GLE1: variants seen among roughly 807,000 people sequenced by gnomAD.
GLE1 encodes the protein mRNA export factor GLE1.
GLE1 carries 78 observed loss-of-function variants against 97.3 expected under a neutral mutation model. The ratio of observed to expected loss-of-function variants is 0.80; its 90% CI spans 0.67 to 0.97. The LOEUF (loss-of-function observed/expected upper bound fraction) is 0.97, where lower values mean the gene tolerates loss of function less well. Among genes scored for constraint, GLE1 ranks in the 50% least tolerant of loss-of-function variants. GLE1 has a pLI of 0.00. For missense variants in GLE1, 753 were observed against 857.5 expected (o/e 0.88, Z 1.52); for synonymous variants, 302 against 313.4 (o/e 0.96, Z 0.39).
Position 128,539,618 on chromosome 9 carries a change from G to A in GLE1, c.1884G>A (p.Val628=), listed in dbSNP as rs779646979. The A allele has an allele frequency of 2.5e-6, 4 of 1,610,814 alleles. No individual in the cohort carries two copies. The highest frequency in any genetic ancestry group is 1.3e-5 in the African/African-American group (1 of 74,844). ...TATLLFDFLE[V]CGNALMKQYQ... ...ACAGTGCCTGTCTTTCCCTCTAGGT[G>A]TGTGGGAATGCCCTCATGAAGCAAT... The change falls in exon 14 of 16, where the codon GTG becomes GTA. Residue 628 remains valine (V), a splice_region_variant and synonymous_variant. Coordinates refer to ENST00000309971, the MANE Select transcript of GLE1 (RefSeq NM_001003722.2).
intron 3 of GLE1, among the ~76,000 whole-genome samples, chr9:128,522,110 T>C (rs1847168629): frequency 6.6e-6 from 1 of 152,202 alleles, no homozygotes; most frequent in Non-Finnish European, 1.5e-5. Flanking sequence ...TAATAGTGCA[T>C]GGCTGTTTGA....
chr9:128,540,434 C>T, intron 15 of GLE1, 96 bp downstream of exon 15: 1 of 804,232 alleles, frequency 1.2e-6, no homozygotes, highest in Non-Finnish European at 2.2e-6. Context: ...TCTGATTGCA[C>T]TCTCTTCCTT....
intron 3 of GLE1, among the ~76,000 whole-genome samples, chr9:128,521,075 C>T (rs116032916): frequency 8.6e-4 from 131 of 152,232 alleles, no homozygotes; most frequent in African/African-American, 2.8e-3. Flanking sequence ...TCTCCACTGA[C>T]TGTTTTCCAG....
chr9:128,512,163 G>A (rs780664747), intron 2 of GLE1, among the ~76,000 whole-genome samples: 1 of 152,182 alleles, frequency 6.6e-6, no homozygotes, highest in Non-Finnish European at 1.5e-5. Flanking sequence ...TGTAGAGAAG[G>A]AGAATAGCTT....
chr9:128,521,249 A>T (rs552645444), intron 3 of GLE1, among the ~76,000 whole-genome samples: 1 of 152,294 alleles, frequency 6.6e-6, no homozygotes, highest in East Asian at 1.9e-4. Context: ...AATAAGTTTT[A>T]AGACTGGGTA....
chr9:128,539,876 A>T, intron 14 of GLE1, 178 bp downstream of exon 14: 2 of 1,502,504 alleles, frequency 1.3e-6, no homozygotes, highest in Non-Finnish European at 1.8e-6. Context: ...TTTGAACCTT[A>T]ATGAGAGTCT....
chr9:128,518,937 G>T (rs1847062231), intron 3 of GLE1, among the ~76,000 whole-genome samples: 1 of 151,730 alleles, frequency 6.6e-6, no homozygotes, highest in Admixed American at 6.6e-5. Context: ...TGAAGCCATG[G>T]CAGAAGAACA....
rs527886091 is a variant in GLE1, at chr9:128,504,755, G to A, written c.-51G>A. ...TGGCCTTCCCGGCGGCTGATTCGAG[G>A]GCTTGTTTGGTCAGAAGGGGGGCGT... On this transcript the variant is annotated 5_prime_UTR_variant, in exon 1 of 16. Transcript: ENST00000309971. 3.5e-5 allele frequency: 44 copies of A among 1,252,134 alleles called. No individual in the cohort carries two copies. In the East Asian group the frequency reaches 9.7e-4, roughly 28 times the overall value. The allele number at this position is 1,252,134 out of a possible 1,614,324, so 77.6% of individuals were successfully genotyped here. A position where few individuals can be genotyped will look rare whatever the true frequency, so the allele number is the denominator to read the frequency against.
chr9:128,535,881 C>T (rs1027188010), intron 11 of GLE1, among the ~76,000 whole-genome samples: 16 of 151,946 alleles, frequency 1.1e-4, no homozygotes, highest in African/African-American at 1.4e-4. Flanking sequence ...GAGGCTGAGG[C>T]GGGAGGATCA....
intron 11 of GLE1, among the ~76,000 whole-genome samples, chr9:128,534,738 A>T (rs1201755631): frequency 4.7e-5 from 7 of 150,526 alleles, no homozygotes; most frequent in Admixed American, 2.0e-4. Context: ...TTTTTTTTTG[A>T]GACAGCGTCT....
chr9:128,507,649 A>T (rs1231375288), intron 1 of GLE1, among the ~76,000 whole-genome samples: 2 of 150,116 alleles, frequency 1.3e-5, no homozygotes, highest in African/African-American at 2.5e-5. Context: ...ACACTTTGGG[A>T]GGCTGAGGTG....
Position 128,540,284 on chromosome 9 carries a change from T to C in GLE1, c.1974T>C (p.Ala658=). The change falls in exon 15 of 16, where the codon GCT becomes GCC. Residue 658 remains alanine (A), a synonymous_variant. Coordinates refer to ENST00000309971, the MANE Select transcript of GLE1 (RefSeq NM_001003722.2). ...IKEDYFPRIE[A]ITSSGQMGSF... Reference sequence around the variant, plus strand: ...CTTTCTCTCCCTGTAGAATTGAAGCTATCACAAGCTCAGGACAGATGGGCT... The same window carrying C: ...CTTTCTCTCCCTGTAGAATTGAAGCCATCACAAGCTCAGGACAGATGGGCT... 6.2e-7 allele frequency: 1 copy of C among 1,604,760 alleles called. No individual in the cohort carries two copies.
intron 9 of GLE1, 83 bp from the exon 10 acceptor site, chr9:128,533,426 TCAAA>T: frequency 1.4e-6 from 1 of 722,950 alleles, no homozygotes; most frequent in Non-Finnish European, 2.0e-6. Flanking sequence ...TGATACTGTC[TCAAA>T]AAAAAAAAAA....
intron 3 of GLE1, 74 bp from the exon 4 acceptor site, chr9:128,522,594 T>C: frequency 1.4e-6 from 2 of 1,468,768 alleles, no homozygotes; most frequent in Non-Finnish European, 1.8e-6. Flanking sequence ...GAGGTTGCAG[T>C]GAGCTGCACT....
At chr9:128,532,618 T>C (rs188725386) in intron 9 of GLE1, 31 of 544,992 alleles carry the variant, frequency 5.7e-5, no homozygotes, top group Admixed American at 1.3e-4. Context: ...TCTTTTTTCC[T>C]CTCTCATCTC....
At chr9:128,513,652 T>C (rs1589045896) in intron 2 of GLE1, among the ~76,000 whole-genome samples, 2 of 149,356 alleles carry the variant, frequency 1.3e-5, no homozygotes, top group Non-Finnish European at 3.0e-5. Context: ...ATGGCTGCAG[T>C]GAGCCTAGAT....
rs557298311 is a variant in GLE1, at chr9:128,541,594, C to T, written c.*424C>T. The T allele has an allele frequency of 5.2e-6, 1 of 193,388 alleles. No homozygotes were observed. The highest frequency in any genetic ancestry group is 1.0e-4 in the South Asian group (1 of 9,784). 12.0% of individuals were successfully genotyped at this position (193,388 alleles called of 1,614,324 possible). On this transcript the variant is annotated 3_prime_UTR_variant, in exon 16 of 16. Coordinates refer to ENST00000309971, the MANE Select transcript of GLE1 (RefSeq NM_001003722.2). ...TGAATTTCCAGAAAGAGCTAAGGCT[C>T]ATAAGGTTCCCTTTTAAGTATTATT...
At chr9:128,538,893 G>C (rs1847805178) in intron 13 of GLE1, among the ~76,000 whole-genome samples, 1 of 152,200 alleles carries the variant, frequency 6.6e-6, no homozygotes, top group Admixed American at 6.5e-5. Context: ...AAAGCCTTGG[G>C]GTACATGCCA....
intron 9 of GLE1, among the ~76,000 whole-genome samples, chr9:128,528,372 C>T (rs1219678476): frequency 1.3e-5 from 2 of 148,866 alleles, no homozygotes; most frequent in Admixed American, 6.8e-5. Context: ...GGCGCAATCT[C>T]GGCTCACTGC....
Sources: gnomAD v4.1 joint callset for allele counts (sites outside exome capture counted in the v4.1 genomes callset) on GRCh38, gnomAD v4.1.1 for gene constraint, MANE v1.5 for transcripts, NCBI Gene and HGNC (gene_info 2026-07-23, HGNC 2026-07-21) for gene names.